Variants in SEC22B observed in about 807,000 individuals in gnomAD.
The protein encoded by SEC22B is vesicle-trafficking protein SEC22b.
In SEC22B, 10 loss-of-function variants were observed where a neutral mutation model predicts 31.4. That is an observed-to-expected ratio of 0.32 (90% confidence interval 0.20 to 0.54). SEC22B has a LOEUF of 0.54. SEC22B is among the 20% of genes least tolerant of loss of function. The probability of loss-of-function intolerance (pLI) is 0.94; values close to 1 mark genes in which losing one functional copy is unlikely to be tolerated. For synonymous variants in SEC22B, 60 were observed against 95.9 expected, an observed-to-expected ratio of 0.63 and a Z score of 2.19; for missense variants, 130 against 263.4, an observed-to-expected ratio of 0.49 and a Z score of 3.50.
chr1:120,160,972 T>A (rs1657707085), intron 3 of SEC22B, among the ~76,000 whole-genome samples: 1 of 152,194 alleles, frequency 6.6e-6, no homozygotes, highest in Admixed American at 6.5e-5. Context: ...AAACTCTTGG[T>A]TGAATATCAA....
chr1:120,160,574 A>C, intron 3 of SEC22B, 44 bp from the exon 4 acceptor site: 1 of 1,513,628 alleles, frequency 6.6e-7, no homozygotes, highest in Non-Finnish European at 8.9e-7. Context: ...ATGGCCATCA[A>C]AGTACTGAGG....
rs1657619599 is a variant in SEC22B, at chr1:120,155,739, A to T, written c.*1299T>A. The T allele has an allele frequency of 6.6e-6, 1 of 152,056 alleles. No individual in the cohort carries two copies. The allele number at this position is 152,056 out of a possible 1,614,324, so 9.4% of individuals were successfully genotyped here. A position where few individuals can be genotyped will look rare whatever the true frequency, so the allele number is the denominator to read the frequency against. On this transcript the variant is annotated 3_prime_UTR_variant, in exon 5 of 5. Transcript: ENST00000578049. Reference sequence around the variant, plus strand: ...TTTAAGTTATATTGCAGACCCTGGCAATAATATTTAAAAGGCCTATTTTCC... The same window carrying T: ...TTTAAGTTATATTGCAGACCCTGGCTATAATATTTAAAAGGCCTATTTTCC...
At chr1:120,171,284 T>C (rs1325956151) in intron 1 of SEC22B, among the ~76,000 whole-genome samples, 2 of 119,236 alleles carry the variant, frequency 1.7e-5, no homozygotes, top group African/African-American at 1.1e-4. Flanking sequence ...ATGGAAAAAA[T>C]TGCCACTCAG....
intron 1 of SEC22B, among the ~76,000 whole-genome samples, chr1:120,176,018 C>T (rs1489614442): frequency 6.6e-6 from 1 of 152,042 alleles, no homozygotes; most frequent in Non-Finnish European, 1.5e-5. Context: ...TAACAAAGTC[C>T]CTAAAGAGTC....
chr1:120,163,700 C>T (rs1570867320), intron 2 of SEC22B, among the ~76,000 whole-genome samples: 1 of 151,860 alleles, frequency 6.6e-6, no homozygotes, highest in South Asian at 2.1e-4. Flanking sequence ...CTCAGCCTCC[C>T]GAGCAGCTGG....
chr1:120,160,373 C>G lies in SEC22B; in HGVS notation c.493+11G>C, dbSNP rs1657696597. 17 of 1,601,950 alleles carry G rather than the reference C, an allele frequency of 1.1e-5. 1 individual carries two copies. In the South Asian group the frequency reaches 1.8e-4, roughly 17 times the overall value. On this transcript the variant is annotated intron_variant, in intron 4 of 4. Transcript: ENST00000578049. ...AACCATTTCTTCATAAGACTCATTGCTTTTAGATACCTGAGAGTGCTTCTC... is the reference window on the plus strand; with the variant it reads ...AACCATTTCTTCATAAGACTCATTGGTTTTAGATACCTGAGAGTGCTTCTC...
intron 1 of SEC22B, among the ~76,000 whole-genome samples, chr1:120,175,351 T>C (rs1337228905): frequency 5.5e-5 from 6 of 108,880 alleles, no homozygotes; most frequent in Admixed American, 5.1e-4. Context: ...AATATATGAA[T>C]GAAAAGTCCA....
At chr1:120,176,201 G>A in intron 1 of SEC22B, 106 bp downstream of exon 1, 1 of 1,007,974 alleles carries the variant, frequency 9.9e-7, no homozygotes, top group Non-Finnish European at 1.5e-6. Context: ...GGTCGGGAGT[G>A]CCCGGGAAGT....
At chr1:120,171,673 GA>G (rs1485006985) in intron 1 of SEC22B, among the ~76,000 whole-genome samples, 2 of 115,374 alleles carry the variant, frequency 1.7e-5, no homozygotes, top group African/African-American at 1.1e-4. Context: ...CTGTTAAGTG[GA>G]AAAAATTAGG....
At chr1:120,159,850 A>G (rs1235883349) in intron 4 of SEC22B, among the ~76,000 whole-genome samples, 1 of 151,998 alleles carries the variant, frequency 6.6e-6, no homozygotes, top group Non-Finnish European at 1.5e-5. Flanking sequence ...AGACATTTGC[A>G]TCTTCCTTAT....
rs1469010935 is a variant in SEC22B at position 120,155,664 on chromosome 1, G to A, written c.*1374C>T. 5.3e-5 allele frequency: 8 copies of A among 151,402 alleles called. No individual in the cohort carries two copies. Among genetic ancestry groups the A allele is most frequent in the African/African-American group, 1.5e-4 (6 of 41,310 alleles). The allele number at this position is 151,402 out of a possible 1,614,324, so 9.4% of individuals were successfully genotyped here. A position where few individuals can be genotyped will look rare whatever the true frequency, so the allele number is the denominator to read the frequency against. ...AAAGATATTAAGAAATAAAAAGTTCGCTCATTTTCCTGTGCAATTTAAAGA... is the reference window on the plus strand; with the variant it reads ...AAAGATATTAAGAAATAAAAAGTTCACTCATTTTCCTGTGCAATTTAAAGA... On this transcript the variant is annotated 3_prime_UTR_variant, in exon 5 of 5. Coordinates refer to ENST00000578049, the MANE Select transcript of SEC22B (RefSeq NM_004892.6).
chr1:120,165,048 T>C (rs1455544839), intron 2 of SEC22B, among the ~76,000 whole-genome samples: 1 of 152,170 alleles, frequency 6.6e-6, no homozygotes, highest in African/African-American at 2.4e-5. Context: ...GCCTCTAGTA[T>C]GTTTTGAGAA....
intron 2 of SEC22B, among the ~76,000 whole-genome samples, chr1:120,163,945 C>CTTTTCTTTTTTTT (rs1553229598): frequency 1.5e-5 from 1 of 68,932 alleles, no homozygotes; most frequent in African/African-American, 6.5e-5. Context: ...ATTAGATTCT[C>CTTTTCTTTTTTTT]TTTTTTTTTT....
chr1:120,167,453 T>A (rs1370245246), intron 2 of SEC22B, among the ~76,000 whole-genome samples: 33,042 of 151,858 alleles, frequency 0.22, 5,632 homozygotes, highest in African/African-American at 0.48. Flanking sequence ...CATTTTCATA[T>A]GTTCAATTCT....
rs1385936692 is a variant in SEC22B at position 120,176,500 on chromosome 1, G to A, written c.-119C>T. The A allele has an allele frequency of 1.6e-5, 14 of 886,644 alleles. No individual in the cohort carries two copies. Among genetic ancestry groups the A allele is most frequent in the African/African-American group, 1.7e-5 (1 of 60,232 alleles). 54.9% of individuals were successfully genotyped at this position (886,644 alleles called of 1,614,324 possible). A position where few individuals can be genotyped will look rare whatever the true frequency, so the allele number is the denominator to read the frequency against. ...AGTTACCGGAGATCCAGCTGCTTGC[G>A]TCTCCGCTTCCCGCTGAGGTGGCCG... On this transcript the variant is annotated 5_prime_UTR_variant, in exon 1 of 5. The change creates a new upstream start codon in the 5' untranslated region. Transcript: ENST00000578049.
intron 2 of SEC22B, among the ~76,000 whole-genome samples, chr1:120,164,670 C>A (rs1328722206): frequency 1.3e-5 from 2 of 152,250 alleles, no homozygotes; most frequent in Non-Finnish European, 2.9e-5. Context: ...CAATCCACCA[C>A]TAACATGTAC....
At chr1:120,174,316 T>C (rs1427250199) in intron 1 of SEC22B, among the ~76,000 whole-genome samples, 3 of 152,308 alleles carry the variant, frequency 2.0e-5, no homozygotes, top group South Asian at 2.1e-4. Flanking sequence ...GGCGCTTTTA[T>C]AAATGTTCTG....
At chr1:120,160,595 A>G in intron 3 of SEC22B, 65 bp from the exon 4 acceptor site, 1 of 1,461,090 alleles carries the variant, frequency 6.8e-7, no homozygotes, top group East Asian at 2.5e-5. Flanking sequence ...TAGGAGATTA[A>G]AAGTTCTGAG....
chr1:120,157,245 C>T (rs1302220397), intron 4 of SEC22B, 53 bp from the exon 5 acceptor site: 102 of 1,266,840 alleles, frequency 8.1e-5, no homozygotes, highest in South Asian at 1.5e-4. Flanking sequence ...AGTATTTTAC[C>T]GAAAGTATTA....
Sources: gnomAD v4.1 joint callset for allele counts (sites outside exome capture counted in the v4.1 genomes callset) on GRCh38, gnomAD v4.1.1 for gene constraint, MANE v1.5 for transcripts, NCBI Gene and HGNC (gene_info 2026-07-23, HGNC 2026-07-21) for gene names.